UNC13C: variants seen among roughly 807,000 people sequenced by gnomAD.
UNC13C encodes the protein protein unc-13 homolog C.
In UNC13C, 174 loss-of-function variants were observed where a neutral mutation model predicts 245.4. That is an observed-to-expected ratio of 0.71 (90% confidence interval 0.63 to 0.80). The LOEUF (loss-of-function observed/expected upper bound fraction) is 0.80, where lower values mean the gene tolerates loss of function less well. UNC13C is among the 30% of genes least tolerant of loss of function. The pLI is 0.00. For missense variants in UNC13C, 2,829 were observed against 2,602.9 expected, an observed-to-expected ratio of 1.09 and a Z score of -1.89; for synonymous variants, 992 against 895.1, an observed-to-expected ratio of 1.11 and a Z score of -1.93.
intron 4 of UNC13C, among the ~76,000 whole-genome samples, chr15:54,177,354 A>G (rs1344162109): frequency 2.6e-5 from 4 of 152,140 alleles, no homozygotes; most frequent in Non-Finnish European, 5.9e-5. Flanking sequence ...AGTTAAGACT[A>G]TTTTTTAAAC....
intron 2 of UNC13C, among the ~76,000 whole-genome samples, chr15:54,086,547 C>T (rs1391104362): frequency 6.6e-6 from 1 of 152,006 alleles, no homozygotes; most frequent in Non-Finnish European, 1.5e-5. Flanking sequence ...AAAGGAAGAA[C>T]ATAAATCCCT....
At chr15:54,443,512 C>A (rs552423823) in intron 19 of UNC13C, among the ~76,000 whole-genome samples, 8 of 151,894 alleles carry the variant, frequency 5.3e-5, no homozygotes, top group Non-Finnish European at 2.9e-5. Flanking sequence ...ATTTAAAAAT[C>A]TTTTTACTTT....
chr15:53,924,552 C>T, the UNC13C span, among the ~76,000 whole-genome samples: 1 of 152,014 alleles, frequency 6.6e-6, no homozygotes. Flanking sequence ...GTATTTTTAG[C>T]CTGTAGTAAG....
intron 2 of UNC13C, among the ~76,000 whole-genome samples, chr15:54,042,809 T>C (rs558410168): frequency 1.7e-4 from 26 of 152,142 alleles, no homozygotes; most frequent in East Asian, 7.7e-4. Flanking sequence ...GCCGAGATCG[T>C]GCCACTGCAC....
At chr15:53,918,203 G>A in the UNC13C span, among the ~76,000 whole-genome samples, 1 of 152,270 alleles carries the variant, frequency 6.6e-6, no homozygotes, top group South Asian at 2.1e-4. Flanking sequence ...CCACTCCATC[G>A]CAGAAGCAAC....
intron 10 of UNC13C, among the ~76,000 whole-genome samples, chr15:54,274,299 A>G (rs1417107831): frequency 6.6e-6 from 1 of 152,220 alleles, no homozygotes; most frequent in Non-Finnish European, 1.5e-5. Flanking sequence ...GTGTTGAAGA[A>G]ATATTAATGG....
intron 24 of UNC13C, among the ~76,000 whole-genome samples, chr15:54,524,625 GC>G (rs1300295355): frequency 6.6e-6 from 1 of 152,130 alleles, no homozygotes; most frequent in African/African-American, 2.4e-5. Flanking sequence ...TATGTCCAAT[GC>G]ACCCTCATAG....
At chr15:53,846,010 A>G in the UNC13C span, among the ~76,000 whole-genome samples, 2 of 152,182 alleles carry the variant, frequency 1.3e-5, no homozygotes, top group South Asian at 2.1e-4. Flanking sequence ...CACTTTCAGT[A>G]CAGTATTCAA....
chr15:54,536,783 C>T (rs759561195), intron 26 of UNC13C, among the ~76,000 whole-genome samples: 1 of 152,080 alleles, frequency 6.6e-6, no homozygotes, highest in South Asian at 2.1e-4. Context: ...TTCAACATCG[C>T]CTCATGTTAA....
chr15:54,059,856 A>G (rs1566981735), intron 2 of UNC13C, among the ~76,000 whole-genome samples: 1 of 152,220 alleles, frequency 6.6e-6, no homozygotes, highest in Non-Finnish European at 1.5e-5. Flanking sequence ...GACAAAAACA[A>G]GCAATGGGGA....
At chr15:54,157,947 C>T (rs2032820620) in intron 4 of UNC13C, among the ~76,000 whole-genome samples, 1 of 152,154 alleles carries the variant, frequency 6.6e-6, no homozygotes, top group African/African-American at 2.4e-5. Context: ...TGGTCTTCTG[C>T]CTAAGAAAAT....
At chr15:54,359,265 A>G (rs1479785521) in intron 17 of UNC13C, among the ~76,000 whole-genome samples, 5 of 151,786 alleles carry the variant, frequency 3.3e-5, no homozygotes, top group Admixed American at 3.3e-4. Context: ...CAACAGGGAT[A>G]TTGTCCTATA....
chr15:54,554,306 G>A (rs955166500), intron 28 of UNC13C, among the ~76,000 whole-genome samples: 3 of 151,342 alleles, frequency 2.0e-5, no homozygotes, highest in African/African-American at 7.3e-5. Context: ...CAAAATAGAA[G>A]GACAAGCCAC....
At chr15:54,414,257 A>G (rs1298578169) in intron 18 of UNC13C, among the ~76,000 whole-genome samples, 1 of 152,198 alleles carries the variant, frequency 6.6e-6, no homozygotes, top group African/African-American at 2.4e-5. Flanking sequence ...GCTTCAAAGA[A>G]AATGGCTGAG....
intron 2 of UNC13C, among the ~76,000 whole-genome samples, chr15:54,042,482 T>C (rs1027757270): frequency 2.0e-5 from 3 of 152,206 alleles, no homozygotes; most frequent in East Asian, 3.8e-4. Context: ...GAATCTTATA[T>C]TCCAGTGGAG....
chr15:53,853,252 C>T, the UNC13C span, among the ~76,000 whole-genome samples: 1 of 152,174 alleles, frequency 6.6e-6, no homozygotes, highest in Admixed American at 6.6e-5. Context: ...TCAGCTCTCC[C>T]TTATAAATGA....
intron 2 of UNC13C, among the ~76,000 whole-genome samples, chr15:54,038,665 T>C (rs770518819): frequency 6.6e-4 from 101 of 152,312 alleles, no homozygotes; most frequent in African/African-American, 2.0e-3. Flanking sequence ...ATTAAACTTA[T>C]GAAGTCAATA....
intron 2 of UNC13C, among the ~76,000 whole-genome samples, chr15:54,030,481 G>A (rs926162966): frequency 2.0e-5 from 3 of 152,222 alleles, no homozygotes; most frequent in Middle Eastern, 3.4e-3. Context: ...AAGGTCAATC[G>A]GGTAGAAATT....
chr15:54,385,678 G>T (rs1043551148), intron 17 of UNC13C, among the ~76,000 whole-genome samples: 4 of 151,936 alleles, frequency 2.6e-5, no homozygotes, highest in Admixed American at 2.6e-4. Flanking sequence ...ATAATATTAT[G>T]CACATTTCAA....
Sources: allele counts gnomAD v4.1 joint callset (sites outside exome capture counted in the v4.1 genomes callset), GRCh38; gene constraint gnomAD v4.1.1; transcripts MANE v1.5; gene names NCBI Gene and HGNC (gene_info 2026-07-23, HGNC 2026-07-21).